The following MOCS2 variants were observed in gnomAD, a reference collection of about 807,000 sequenced individuals.
MOCS2 encodes molybdopterin synthase catalytic subunit.
MOCS2 carries 13 observed loss-of-function variants against 21.9 expected under a neutral mutation model. The observed-to-expected ratio is 0.59, with a 90% CI of 0.39 to 0.94. The LOEUF is 0.94. MOCS2 is among the 40% of genes least tolerant of loss of function. The probability of loss-of-function intolerance (pLI) is 0.00; values close to 1 mark genes in which losing one functional copy is unlikely to be tolerated. For missense variants in MOCS2, 227 were observed against 218.3 expected (o/e 1.04, Z -0.25); for synonymous variants, 92 against 80.8 (o/e 1.14, Z -0.74).
rs141587855 is a variant in MOCS2 at position 53,100,452 on chromosome 5, C to T, written c.460G>A (p.Ala154Thr). ...RAASLEAVSY[A>T]IDTLKAKVPI... ...ACCTTGGCTTTTAAAGTATCAATGG[C>T]ATAGCTCACAGCTTCAAGAGATGCA... The change falls in exon 6 of 7, where the codon GCC (alanine) becomes ACC (threonine). Residue 154 changes from alanine to threonine, a missense_variant. Ala to Thr is a moderately conservative substitution (Grantham distance 58). Transcript: ENST00000396954. The T allele has an allele frequency of 2.5e-5, 40 of 1,613,704 alleles. No homozygotes were observed. Among genetic ancestry groups the T allele is most frequent in the Non-Finnish European group, 3.1e-5 (37 of 1,179,826 alleles).
chr5:53,106,024 T>C (rs1356778579), intron 3 of MOCS2, among the ~76,000 whole-genome samples: 1 of 152,148 alleles, frequency 6.6e-6, no homozygotes, highest in Non-Finnish European at 1.5e-5. Context: ...CACAATGAGA[T>C]ACCATCTCAC....
At position 53,102,236 on chromosome 5, in the gene MOCS2, A is replaced by T; in HGVS notation, c.99-12T>A. The T allele has an allele frequency of 1.2e-6, 2 of 1,608,952 alleles. No individual in the cohort carries two copies. Among genetic ancestry groups the T allele is most frequent in the Non-Finnish European group, 8.5e-7 (1 of 1,176,102 alleles). ...CATCCATATCTTTCCTAGAAATAAT[A>T]CATTAACAAACCTTAACAGAAGTCC... On this transcript the variant is annotated splice_polypyrimidine_tract_variant and intron_variant, in intron 3 of 6. Coordinates refer to ENST00000396954, the MANE Select transcript of MOCS2 (RefSeq NM_004531.5).
In MOCS2 at chr5:53,097,058, G is replaced by T. The variant is rs16880873; in HGVS notation, c.*1544C>A. ...CCCCTTCTCTCCAATGGGGACAGGC[G>T]GAAGCTCGATGGCAAGCCAGAGTGA... On this transcript the variant is annotated 3_prime_UTR_variant, in exon 7 of 7. Coordinates refer to ENST00000396954, the MANE Select transcript of MOCS2 (RefSeq NM_004531.5). 17,269 of 152,286 alleles carry T rather than the reference G, an allele frequency of 0.11. 1,218 individuals carry two copies. Among genetic ancestry groups the T allele is most frequent in the African/African-American group, 0.19 (8,013 of 41,508 alleles). The allele number at this position is 152,286 out of a possible 1,614,324, so 9.4% of individuals were successfully genotyped here.
intron 3 of MOCS2, among the ~76,000 whole-genome samples, chr5:53,103,321 T>A (rs1382348351): frequency 6.6e-6 from 1 of 152,170 alleles, no homozygotes; most frequent in Admixed American, 6.6e-5. Context: ...CAAGATACAG[T>A]GGAGGTATTG....
chr5:53,106,626 T>C (rs1031871323), intron 3 of MOCS2, among the ~76,000 whole-genome samples: 2 of 152,160 alleles, frequency 1.3e-5, no homozygotes, highest in African/African-American at 4.8e-5. Flanking sequence ...GTGACAAAAT[T>C]ATCTGTACAA....
At chr5:53,103,234 T>C (rs768978116) in intron 3 of MOCS2, among the ~76,000 whole-genome samples, 4 of 152,186 alleles carry the variant, frequency 2.6e-5, no homozygotes, top group Non-Finnish European at 4.4e-5. Flanking sequence ...AATCCATTAT[T>C]AACATGATCA....
At chr5:53,107,028 G>A in intron 3 of MOCS2, 49 bp downstream of exon 3, 3 of 1,604,674 alleles carry the variant, frequency 1.9e-6, no homozygotes, top group Non-Finnish European at 2.6e-6. Flanking sequence ...TTTATCATCT[G>A]TATGATCCTT....
At position 53,098,771 on chromosome 5, in the gene MOCS2, A is replaced by G. The variant is rs1332405049; in HGVS notation, c.502-104T>C. Reference sequence around the variant, plus strand: ...ACAAATGAATATCACATCTATTTCAATGGCTCCTCTTTTAACAATCATGAC... The same window carrying G: ...ACAAATGAATATCACATCTATTTCAGTGGCTCCTCTTTTAACAATCATGAC... On this transcript the variant is annotated intron_variant, in intron 6 of 6. Coordinates refer to ENST00000396954, the MANE Select transcript of MOCS2 (RefSeq NM_004531.5). The G allele has an allele frequency of 4.8e-6, 4 of 831,356 alleles. No individual in the cohort carries two copies. The African/African-American group carries it at 6.8e-5, about 14-fold the overall frequency. 51.5% of individuals were successfully genotyped at this position (831,356 alleles called of 1,614,324 possible). A position where few individuals can be genotyped will look rare whatever the true frequency, so the allele number is the denominator to read the frequency against.
chr5:53,099,220 G>C (rs535285999), intron 6 of MOCS2, among the ~76,000 whole-genome samples: 6 of 152,132 alleles, frequency 3.9e-5, no homozygotes, highest in Non-Finnish European at 8.8e-5. Context: ...GCACTTCCTC[G>C]GACTCTCTAT....
chr5:53,098,515 T>G lies in MOCS2; in HGVS notation c.*87A>C. ...TAAGAGATTGTGCTTCAGTAAACTA[T>G]CCTGATGTGGAGAGAAAAAAATCAA... is the stretch of plus-strand genomic sequence containing the variant. On this transcript the variant is annotated 3_prime_UTR_variant, in exon 7 of 7. Transcript: ENST00000396954. 8.4e-7 allele frequency: 1 copy of G among 1,191,548 alleles called. No individual in the cohort carries two copies. The highest frequency in any genetic ancestry group is 1.3e-6 in the Non-Finnish European group (1 of 797,994). The allele number at this position is 1,191,548 out of a possible 1,614,324, so 73.8% of individuals were successfully genotyped here. A position where few individuals can be genotyped will look rare whatever the true frequency, so the allele number is the denominator to read the frequency against.
In MOCS2 at chr5:53,099,641, C is replaced by T. The variant is rs372665113; in HGVS notation, c.501+770G>A. On this transcript the variant is annotated intron_variant, in intron 6 of 6. Coordinates refer to ENST00000396954, the MANE Select transcript of MOCS2 (RefSeq NM_004531.5). The stretch of plus-strand genomic sequence containing the variant: ...ATGAGTCCAACTTGCTTATTTCTAC[C>T]ACTGACTGAGGCAGGTCCCCTGGGA... Among the ~76,000 whole-genome samples the T allele has an allele frequency of 1.1e-4, 16 of 152,290 alleles. No individual in the cohort carries two copies. In the East Asian group the frequency reaches 3.1e-3, roughly 29 times the overall value.
intron 4 of MOCS2, 92 bp from the exon 5 acceptor site, chr5:53,101,601 T>C: frequency 1.1e-6 from 1 of 948,126 alleles, no homozygotes; most frequent in Non-Finnish European, 1.6e-6. Context: ...GGAATATTTT[T>C]AATAGTAAAT....
At chr5:53,108,446 C>A in intron 2 of MOCS2, 76 bp downstream of exon 2, 1 of 1,339,674 alleles carries the variant, frequency 7.5e-7, no homozygotes, top group South Asian at 1.3e-5. Context: ...CGAAATTAAC[C>A]TTTTTACTTT....
chr5:53,108,765 TTAAA>T (rs1325928700), intron 1 of MOCS2, 122 bp from the exon 2 acceptor site: 23 of 1,029,044 alleles, frequency 2.2e-5, no homozygotes, highest in Non-Finnish European at 3.0e-5. Context: ...ATAAAGAAAA[TTAAA>T]TAACCCGTAA....
chr5:53,100,292 A>G, intron 6 of MOCS2, 119 bp downstream of exon 6: 1 of 1,142,322 alleles, frequency 8.8e-7, no homozygotes, highest in Non-Finnish European at 1.3e-6. Context: ...GATATTTCAC[A>G]GATAAAGAAA....
chr5:53,109,031 T>A (rs544235804), intron 1 of MOCS2, among the ~76,000 whole-genome samples: 2 of 152,144 alleles, frequency 1.3e-5, no homozygotes, highest in South Asian at 4.1e-4. Flanking sequence ...AATAAATGAA[T>A]AAATAAGCGA....
intron 3 of MOCS2, among the ~76,000 whole-genome samples, chr5:53,105,505 G>GATAAC (rs1219667602): frequency 6.6e-6 from 1 of 152,158 alleles, no homozygotes; most frequent in African/African-American, 2.4e-5. Flanking sequence ...ATGGTGCTGG[G>GATAAC]ATAACTGGCT....
intron 3 of MOCS2, among the ~76,000 whole-genome samples, chr5:53,106,814 A>G (rs141839283): frequency 6.6e-6 from 1 of 152,300 alleles, no homozygotes; most frequent in East Asian, 1.9e-4. Context: ...TGTGCCTGAC[A>G]CATAAGATCT....
rs1278171626 is a variant in MOCS2, at chr5:53,101,402, G to T, written c.334C>A (p.Gln112Lys). The change falls in exon 5 of 7, where the codon CAG becomes AAG. Residue 112 changes from glutamine to lysine, a missense_variant. Coordinates refer to ENST00000396954, the MANE Select transcript of MOCS2 (RefSeq NM_004531.5). ...GCTATGTGTTTGACTGGCCATTTCT[G>T]CCTAATGTCACTACAAATCTTTCTG... ...EVRKICSDIR[Q>K]KWPVKHIAVF... 6.2e-7 allele frequency: 1 copy of T among 1,613,744 alleles called. No individual in the cohort carries two copies. The highest frequency in any genetic ancestry group is 1.3e-5 in the African/African-American group (1 of 74,884).
Sources: gnomAD v4.1 joint callset for allele counts (sites outside exome capture counted in the v4.1 genomes callset) on GRCh38, gnomAD v4.1.1 for gene constraint, MANE v1.5 for transcripts, NCBI Gene and HGNC (gene_info 2026-07-23, HGNC 2026-07-21) for gene names.